The following FNDC3A variants were observed in gnomAD, a reference collection of about 807,000 sequenced individuals.
FNDC3A encodes the protein fibronectin type III domain containing 3A, also known as fibronectin type-III domain-containing protein 3A.
In FNDC3A, 32 loss-of-function variants were observed where a neutral mutation model predicts 148.9. The ratio of observed to expected loss-of-function variants is 0.21; its 90% confidence interval spans 0.16 to 0.29. The LOEUF (loss-of-function observed/expected upper bound fraction) is 0.29, where lower values mean the gene tolerates loss of function less well. FNDC3A is among the 10% of genes least tolerant of loss of function. The pLI, the probability that FNDC3A is intolerant of heterozygous loss-of-function variation, is 1.00. For synonymous variants in FNDC3A, 472 were observed against 473.6 expected, an observed-to-expected ratio of 1.00 and a Z score of 0.04; for missense variants, 1,191 against 1,452.8, an observed-to-expected ratio of 0.82 and a Z score of 2.93.
chr13:49,050,056 C>G (rs888988543), intron 2 of FNDC3A, among the ~76,000 whole-genome samples: 21 of 152,120 alleles, frequency 1.4e-4, no homozygotes, highest in African/African-American at 4.8e-4. Flanking sequence ...CACTAATGGT[C>G]TATCAGTTTT....
chr13:49,108,757 C>CT (rs995440414), intron 3 of FNDC3A, among the ~76,000 whole-genome samples: 1 of 152,136 alleles, frequency 6.6e-6, no homozygotes, highest in Non-Finnish European at 1.5e-5. Context: ...GGGGCTGGGT[C>CT]TAACGTATAT....
intron 3 of FNDC3A, among the ~76,000 whole-genome samples, chr13:49,087,577 A>T (rs1878897274): frequency 6.6e-6 from 1 of 152,130 alleles, no homozygotes; most frequent in Admixed American, 6.5e-5. Context: ...AAATGGAAAG[A>T]TTAGATAATT....
At chr13:49,023,064 C>T (rs190696686) in intron 2 of FNDC3A, among the ~76,000 whole-genome samples, 261 of 152,016 alleles carry the variant, frequency 1.7e-3, no homozygotes, top group African/African-American at 6.1e-3. Flanking sequence ...TAAAATATTG[C>T]ACTGGTTCTT....
chr13:49,028,431 G>A lies in FNDC3A; in HGVS notation c.99+22142G>A, dbSNP rs188335960. On this transcript the variant is annotated intron_variant, in intron 2 of 25. Transcript: ENST00000492622. ...AATTTTTTAATTTCTTGTAGAAACC[G>A]AATCTCGCTTGTTGCCCAGGCTGGT... 6.5e-4 allele frequency among the ~76,000 whole-genome samples: 99 copies of A among 151,996 alleles called. 1 individual carries two copies. Among genetic ancestry groups the A allele is most frequent in the Admixed American group, 6.0e-3 (91 of 15,264 alleles).
chr13:49,040,664 A>T (rs1162759203), intron 2 of FNDC3A, among the ~76,000 whole-genome samples: 7 of 152,206 alleles, frequency 4.6e-5, no homozygotes, highest in African/African-American at 1.7e-4. Context: ...AAATTTAAAG[A>T]TATTGAAGGA....
intron 19 of FNDC3A, among the ~76,000 whole-genome samples, chr13:49,196,080 CAAAAAA>C (rs71076070): frequency 3.6e-4 from 26 of 71,602 alleles, no homozygotes; most frequent in Admixed American, 9.3e-4. Flanking sequence ...GACCTTGTCT[CAAAAAA>C]AAAAAAAAAA....
At chr13:49,092,858 T>A (rs1434191044) in intron 3 of FNDC3A, among the ~76,000 whole-genome samples, 1 of 152,190 alleles carries the variant, frequency 6.6e-6, no homozygotes, top group East Asian at 1.9e-4. Context: ...ATATTGTTAT[T>A]TGTCTTTTTT....
intron 8 of FNDC3A, among the ~76,000 whole-genome samples, chr13:49,166,785 C>G (rs1884487456): frequency 6.6e-6 from 1 of 152,178 alleles, no homozygotes; most frequent in Non-Finnish European, 1.5e-5. Flanking sequence ...AGTGTTCTCT[C>G]TTAGGTGATC....
intron 2 of FNDC3A, among the ~76,000 whole-genome samples, chr13:49,050,594 T>C (rs1875763779): frequency 6.6e-6 from 1 of 152,240 alleles, no homozygotes; most frequent in Non-Finnish European, 1.5e-5. Flanking sequence ...TTCCATATGC[T>C]GATGAACAGA....
chr13:49,118,226 A>T (rs1169306392), intron 4 of FNDC3A, among the ~76,000 whole-genome samples: 1 of 152,188 alleles, frequency 6.6e-6, no homozygotes, highest in Admixed American at 6.5e-5. Flanking sequence ...AGGGTGGGGC[A>T]TCGCCTCACC....
intron 2 of FNDC3A, among the ~76,000 whole-genome samples, chr13:49,070,966 G>A (rs545830854): frequency 7.2e-6 from 1 of 139,256 alleles, no homozygotes; most frequent in South Asian, 2.2e-4. Flanking sequence ...TGGTGCCATC[G>A]TAGCTCACTA....
chr13:49,075,951 G>A (rs1878080556), intron 3 of FNDC3A, among the ~76,000 whole-genome samples: 1 of 151,846 alleles, frequency 6.6e-6, no homozygotes, highest in South Asian at 2.1e-4. Flanking sequence ...GCAGTTCTTT[G>A]GTCAGCGGGA....
At chr13:49,016,249 G>A (rs569209971) in intron 2 of FNDC3A, among the ~76,000 whole-genome samples, 1 of 152,156 alleles carries the variant, frequency 6.6e-6, no homozygotes, top group East Asian at 1.9e-4. Context: ...CTTTTTGGTT[G>A]GTAAGCTATT....
intron 4 of FNDC3A, among the ~76,000 whole-genome samples, chr13:49,119,986 A>G (rs926488964): frequency 5.3e-5 from 8 of 152,304 alleles, no homozygotes; most frequent in Admixed American, 5.2e-4. Context: ...GGAAATACAG[A>G]GAAAACCACT....
intron 3 of FNDC3A, among the ~76,000 whole-genome samples, chr13:49,090,636 G>A (rs1402977018): frequency 2.7e-5 from 3 of 111,828 alleles, no homozygotes; most frequent in Non-Finnish European, 3.5e-5. Flanking sequence ...GGGATTTAAA[G>A]AACAACACCC....
chr13:49,087,949 A>G (rs1401060154), intron 3 of FNDC3A, among the ~76,000 whole-genome samples: 1 of 152,092 alleles, frequency 6.6e-6, no homozygotes, highest in Non-Finnish European at 1.5e-5. Flanking sequence ...AGGTGTTGCT[A>G]TCTGCTTTTG....
Position 49,168,665 on chromosome 13 carries a change from T to A in FNDC3A, c.1090T>A (p.Phe364Ile). ...IKGTPSEAEI[F>I]TTLSCEPDIP... ...GGGAACTCCTTCAGAGGCTGAAATCTTTACCACCTTGAGCTGTGAACCTGA... is the reference window on the plus strand; with the variant it reads ...GGGAACTCCTTCAGAGGCTGAAATCATTACCACCTTGAGCTGTGAACCTGA... Residue 364 changes from phenylalanine (F) to isoleucine (I), a missense_variant, in exon 10 of 26, where the codon TTT becomes ATT. Coordinates refer to ENST00000492622, the MANE Select transcript of FNDC3A (RefSeq NM_001079673.2). 6.2e-7 allele frequency: 1 copy of A among 1,612,478 alleles called. No homozygotes were observed. The highest frequency in any genetic ancestry group is 1.1e-5 in the South Asian group (1 of 91,056).
At chr13:49,106,515 A>G (rs1012202326) in intron 3 of FNDC3A, among the ~76,000 whole-genome samples, 2 of 152,054 alleles carry the variant, frequency 1.3e-5, no homozygotes, top group Admixed American at 6.6e-5. Context: ...GGGTCTCACT[A>G]TGTTGTCAAG....
At chr13:49,001,246 CT>C (rs1952120264) in intron 1 of FNDC3A, among the ~76,000 whole-genome samples, 1 of 152,198 alleles carries the variant, frequency 6.6e-6, no homozygotes, top group Non-Finnish European at 1.5e-5. Flanking sequence ...TTCATAGACA[CT>C]TATCACTTCC....
Sources: allele counts gnomAD v4.1 joint callset (sites outside exome capture counted in the v4.1 genomes callset), GRCh38; gene constraint gnomAD v4.1.1; transcripts MANE v1.5; gene names NCBI Gene and HGNC (gene_info 2026-07-23, HGNC 2026-07-21).